UNC13C: variants seen among roughly 807,000 people sequenced by gnomAD.
UNC13C encodes protein unc-13 homolog C.
In UNC13C, 174 loss-of-function variants were observed where a neutral mutation model predicts 245.4. That is an observed-to-expected ratio of 0.71 (90% CI 0.63 to 0.80). The LOEUF is 0.80. Ranked by LOEUF, UNC13C falls within the 30% of genes least tolerant of loss-of-function variation. The pLI is 0.00. For synonymous variants in UNC13C, 992 were observed against 895.1 expected, an observed-to-expected ratio of 1.11 and a Z score of -1.93; for missense variants, 2,829 against 2,602.9, an observed-to-expected ratio of 1.09 and a Z score of -1.89.
At chr15:53,974,487 C>T (rs1043250220), upstream of UNC13C, among the ~76,000 whole-genome samples, 2 of 152,260 alleles carry the variant, frequency 1.3e-5, no homozygotes, top group East Asian at 1.9e-4. Flanking sequence ...TCAAGGAGCT[C>T]GCAGTCCAGC....
the UNC13C span, among the ~76,000 whole-genome samples, chr15:53,914,942 C>G: frequency 6.6e-6 from 1 of 152,120 alleles, no homozygotes; most frequent in African/African-American, 2.4e-5. Flanking sequence ...TCTTTGTCTA[C>G]TAAAACCAAC....
At position 54,264,314 on chromosome 15, in the gene UNC13C, G is replaced by A. The variant is rs745475667; in HGVS notation, c.3595G>A (p.Asp1199Asn). 8.7e-6 allele frequency: 14 copies of A among 1,605,636 alleles called. No homozygotes were observed. The South Asian group carries it at 1.6e-4, about 18-fold the overall frequency. Residue 1199 changes from aspartate (D) to asparagine (N), a missense_variant, in exon 9 of 33, where the codon GAT (aspartate) becomes AAT (asparagine). By Grantham distance (23) the Asp-to-Asn change is conservative. Transcript: ENST00000260323. ...GGAAATGTTTCAGATTTCTAAAGAA[G>A]ATTTTGTGCAGTTTACAAAGGCGGC... ...IQEMFQISKE[D>N]FVQFTKAAKQ...
In UNC13C at chr15:54,297,903, A is replaced by T; in HGVS notation, c.4081A>T (p.Ile1361Phe). The change falls in exon 12 of 33, where the codon ATT becomes TTT. Residue 1361 changes from isoleucine to phenylalanine, a missense_variant. Physicochemically the swap from Ile to Phe is conservative, Grantham distance 21 (BLOSUM62 0). Coordinates refer to ENST00000260323, the MANE Select transcript of UNC13C (RefSeq NM_001080534.3). ...AGAAGAGAAGGTTGCTCCATATCATATTCAATATACATGTTTACATGAGGT... is the reference window on the plus strand; with the variant it reads ...AGAAGAGAAGGTTGCTCCATATCATTTTCAATATACATGTTTACATGAGGT... ...KGEEKVAPYHIQYTCLHENLF... is the reference protein window; with the variant it reads ...KGEEKVAPYHFQYTCLHENLF... 6.3e-7 allele frequency: 1 copy of T among 1,599,970 alleles called. No individual in the cohort carries two copies. The highest frequency in any genetic ancestry group is 8.5e-7 in the Non-Finnish European group (1 of 1,171,056).
At chr15:54,017,417 A>G (rs1343984143) in intron 2 of UNC13C, among the ~76,000 whole-genome samples, 2 of 152,082 alleles carry the variant, frequency 1.3e-5, no homozygotes, top group Non-Finnish European at 2.9e-5. Flanking sequence ...CAGTTTGACA[A>G]TGTATTTTAT....
Position 54,546,712 on chromosome 15 carries a change from T to A in UNC13C, c.5697-10T>A, listed in dbSNP as rs916068269. On this transcript the variant is annotated splice_polypyrimidine_tract_variant and intron_variant, in intron 26 of 32. Coordinates refer to ENST00000260323, the MANE Select transcript of UNC13C (RefSeq NM_001080534.3). ...TTAAAAGTGAATATATATATATATT[T>A]TTTTTTCAGATTAAGTCTCTCAGCA... 2.1e-5 allele frequency: 30 copies of A among 1,458,774 alleles called. No homozygotes were observed. In the African/African-American group the frequency reaches 3.3e-4, roughly 16 times the overall value. The allele number at this position is 1,458,774 out of a possible 1,614,324, so 90.4% of individuals were successfully genotyped here. A position where few individuals can be genotyped will look rare whatever the true frequency, so the allele number is the denominator to read the frequency against.
intron 7 of UNC13C, among the ~76,000 whole-genome samples, chr15:54,240,229 C>A (rs2035814902): frequency 6.6e-6 from 1 of 152,096 alleles, no homozygotes; most frequent in Admixed American, 6.6e-5. Flanking sequence ...ATTCGTAAAG[C>A]CCATTTCCCT....
intron 4 of UNC13C, among the ~76,000 whole-genome samples, chr15:54,232,216 T>G (rs1314345122): frequency 1.3e-5 from 2 of 152,128 alleles, no homozygotes; most frequent in African/African-American, 4.8e-5. Context: ...GGCTATGTTT[T>G]GAGGCTATCT....
intron 7 of UNC13C, among the ~76,000 whole-genome samples, chr15:54,239,977 GA>G (rs1378577751): frequency 2.0e-5 from 3 of 152,150 alleles, no homozygotes; most frequent in Non-Finnish European, 4.4e-5. Flanking sequence ...TATTTGATTT[GA>G]ACTATGAATA....
chr15:53,924,584 A>C, the UNC13C span, among the ~76,000 whole-genome samples: 2 of 152,232 alleles, frequency 1.3e-5, no homozygotes, highest in African/African-American at 4.8e-5. Context: ...GTTTTGTGTA[A>C]TAACAACAAT....
chr15:54,136,622 T>C (rs1019538595), intron 2 of UNC13C, among the ~76,000 whole-genome samples: 20 of 152,146 alleles, frequency 1.3e-4, no homozygotes, highest in African/African-American at 4.8e-4. Flanking sequence ...TTGTCTTGTT[T>C]CTGATCTTAG....
chr15:54,561,045 T>C (rs1176989235), intron 29 of UNC13C, among the ~76,000 whole-genome samples: 1 of 151,976 alleles, frequency 6.6e-6, no homozygotes, highest in East Asian at 1.9e-4. Flanking sequence ...AAACCCTTAA[T>C]TCCCTCTCAA....
At chr15:54,239,074 T>G (rs1398819861) in intron 7 of UNC13C, among the ~76,000 whole-genome samples, 1 of 152,226 alleles carries the variant, frequency 6.6e-6, no homozygotes, top group African/African-American at 2.4e-5. Context: ...TGTCCCTCCC[T>G]ATGCCTGGAG....
chr15:54,115,561 T>C (rs1190899597), intron 2 of UNC13C, among the ~76,000 whole-genome samples: 4 of 152,104 alleles, frequency 2.6e-5, no homozygotes, highest in Admixed American at 2.0e-4. Flanking sequence ...TTGATATTCA[T>C]ATAATGTGTA....
At chr15:54,297,010 G>GTA (rs754704628) in intron 11 of UNC13C, among the ~76,000 whole-genome samples, 1 of 152,166 alleles carries the variant, frequency 6.6e-6, no homozygotes, top group Non-Finnish European at 1.5e-5. Context: ...TTAGCCTAGG[G>GTA]TATAGACTGT....
chr15:54,151,497 G>A (rs759657045), intron 4 of UNC13C, among the ~76,000 whole-genome samples: 4 of 152,024 alleles, frequency 2.6e-5, no homozygotes, highest in Non-Finnish European at 5.9e-5. Context: ...CCGCCTCCTG[G>A]GCTAAAGTGA....
intron 29 of UNC13C, 98 bp downstream of exon 29, chr15:54,555,610 G>A (rs922107970): frequency 1.5e-5 from 13 of 863,602 alleles, no homozygotes; most frequent in East Asian, 5.4e-5. Flanking sequence ...GTAGAGCTGC[G>A]CCATTCAAAG....
Position 54,264,262 on chromosome 15 carries a change from C to T in UNC13C, c.3543C>T (p.Asn1181=). The change falls in exon 9 of 33, where the codon AAC becomes AAT. Residue 1181 remains asparagine, a synonymous_variant. Transcript: ENST00000260323. The part of the protein sequence containing the change: ...MKERMKIREK[N]RPEVFEVIQE... ...AAAGAATGAAGATCAGGGAGAAAAACCGGCCAGAAGTATTTGAAGTAATCC... is the reference window on the plus strand; with the variant it reads ...AAAGAATGAAGATCAGGGAGAAAAATCGGCCAGAAGTATTTGAAGTAATCC... 8.1e-6 allele frequency: 13 copies of T among 1,598,808 alleles called. No homozygotes were observed. Among genetic ancestry groups the T allele is most frequent in the Non-Finnish European group, 1.0e-5 (12 of 1,172,182 alleles).
At chr15:54,139,000 G>T (rs1275868221) in intron 2 of UNC13C, among the ~76,000 whole-genome samples, 1 of 99,570 alleles carries the variant, frequency 1.0e-5, no homozygotes, top group African/African-American at 4.1e-5. Context: ...TCGCTTTGTC[G>T]CCAGGCTGGA....
At chr15:54,048,565 T>C in intron 2 of UNC13C, 2 of 467,210 alleles carry the variant, frequency 4.3e-6, no homozygotes, top group Non-Finnish European at 8.3e-6. Flanking sequence ...TTTATAGAAT[T>C]GATGTACTGA....
Sources: gnomAD v4.1 joint callset for allele counts (sites outside exome capture counted in the v4.1 genomes callset) on GRCh38, gnomAD v4.1.1 for gene constraint, MANE v1.5 for transcripts, NCBI Gene and HGNC (gene_info 2026-07-23, HGNC 2026-07-21) for gene names.